ANO10: variants seen among roughly 807,000 people sequenced by gnomAD.
ANO10 encodes the protein anoctamin 10.
Under a neutral mutation model 74.7 loss-of-function variants are expected in ANO10, and 77 were observed. The ratio of observed to expected loss-of-function variants is 1.03; its 90% CI spans 0.86 to 1.25. The LOEUF (loss-of-function observed/expected upper bound fraction) is 1.25, where lower values mean the gene tolerates loss of function less well. Ranked by LOEUF, ANO10 falls within the 50% of genes most tolerant of loss-of-function variation. The pLI, the probability that ANO10 is intolerant of heterozygous loss-of-function variation, is 0.00. For missense variants in ANO10, 721 were observed against 778.1 expected, an observed-to-expected ratio of 0.93 and a Z score of 0.87; for synonymous variants, 279 against 284.9, an observed-to-expected ratio of 0.98 and a Z score of 0.21.
intron 11 of ANO10, among the ~76,000 whole-genome samples, chr3:43,443,933 C>T (rs1469876724): frequency 2.0e-5 from 3 of 152,042 alleles, no homozygotes; most frequent in Non-Finnish European, 2.9e-5. Context: ...CCACCTGCCT[C>T]GGCCTCCCAA....
intron 11 of ANO10, among the ~76,000 whole-genome samples, chr3:43,473,338 T>C (rs1291146869): frequency 6.6e-6 from 1 of 152,112 alleles, no homozygotes; most frequent in African/African-American, 2.4e-5. Context: ...ACTCTCCTCC[T>C]GGATGTCATA....
At chr3:43,378,535 C>T (rs1299235453) in intron 12 of ANO10, among the ~76,000 whole-genome samples, 1 of 152,184 alleles carries the variant, frequency 6.6e-6, no homozygotes, top group Non-Finnish European at 1.5e-5. Flanking sequence ...ATGCAAATAT[C>T]TATATCTTCT....
intron 1 of ANO10, chr3:43,690,918 G>A (rs905429113): frequency 1.7e-5 from 25 of 1,480,346 alleles, no homozygotes; most frequent in Middle Eastern, 2.2e-4. Flanking sequence ...CTTAAGTGCC[G>A]CGCCAGCCCG....
At chr3:43,461,004 A>C (rs909117953) in intron 11 of ANO10, among the ~76,000 whole-genome samples, 5 of 152,080 alleles carry the variant, frequency 3.3e-5, no homozygotes, top group Admixed American at 3.3e-4. Context: ...GAAAAAAAAA[A>C]CAGGAAAAAA....
intron 10 of ANO10, chr3:43,551,621 T>A (rs1405067487): frequency 4.4e-6 from 2 of 455,182 alleles, no homozygotes; most frequent in African/African-American, 4.0e-5. Context: ...TGTTTGCATA[T>A]TCCAAAATCA....
chr3:43,416,074 T>G (rs2148902590), intron 12 of ANO10, among the ~76,000 whole-genome samples: 1 of 152,270 alleles, frequency 6.6e-6, no homozygotes, highest in Non-Finnish European at 1.5e-5. Context: ...CAAAACAATA[T>G]TTCTCACATA....
At chr3:43,419,831 T>C (rs1413445721) in intron 12 of ANO10, among the ~76,000 whole-genome samples, 1 of 152,210 alleles carries the variant, frequency 6.6e-6, no homozygotes, top group East Asian at 1.9e-4. Context: ...TGAATTTTAA[T>C]ATCTGTATTT....
At chr3:43,592,136 A>G (rs1172876410) in intron 4 of ANO10, among the ~76,000 whole-genome samples, 4 of 152,214 alleles carry the variant, frequency 2.6e-5, no homozygotes, top group African/African-American at 4.8e-5. Flanking sequence ...CAGCTCAAGG[A>G]GGCCTGCCAG....
chr3:43,536,410 C>G (rs2078712277), intron 11 of ANO10, among the ~76,000 whole-genome samples: 1 of 152,152 alleles, frequency 6.6e-6, no homozygotes, highest in Non-Finnish European at 1.5e-5. Flanking sequence ...ATATTACTTT[C>G]TACATAGTCA....
intron 1 of ANO10, among the ~76,000 whole-genome samples, chr3:43,681,223 G>C (rs545000689): frequency 7.6e-4 from 116 of 152,068 alleles, no homozygotes; most frequent in Middle Eastern, 3.4e-3. Context: ...AAAATAAAGG[G>C]ATGGAGGAAG....
intron 1 of ANO10, among the ~76,000 whole-genome samples, chr3:43,633,820 A>G (rs2083574908): frequency 6.6e-6 from 1 of 151,468 alleles, no homozygotes; most frequent in African/African-American, 2.4e-5. Context: ...AGTTCTCCTT[A>G]CTCCTCAAGT....
At chr3:43,432,944 C>CTTTTGTTTTTTTTTT (rs2093008610) in intron 11 of ANO10, among the ~76,000 whole-genome samples, 1 of 55,276 alleles carries the variant, frequency 1.8e-5, no homozygotes, top group Admixed American at 3.1e-4. Context: ...TTGCTTAATT[C>CTTTTGTTTTTTTTTT]TTTTTTTTTT....
intron 12 of ANO10, among the ~76,000 whole-genome samples, chr3:43,429,018 A>C (rs1415388538): frequency 6.6e-6 from 1 of 152,124 alleles, no homozygotes; most frequent in Non-Finnish European, 1.5e-5. Flanking sequence ...ATGAGCATAA[A>C]TAAATTTGGA....
chr3:43,667,511 T>C (rs1417497152), intron 1 of ANO10, among the ~76,000 whole-genome samples: 1 of 152,078 alleles, frequency 6.6e-6, no homozygotes, highest in African/African-American at 2.4e-5. Context: ...TTAGTGGTGA[T>C]TTCTGAGATT....
At chr3:43,565,840 G>A (rs917335949) in intron 7 of ANO10, 113 bp from the exon 8 acceptor site, 2 of 1,138,794 alleles carry the variant, frequency 1.8e-6, no homozygotes. Flanking sequence ...AGCCAAGAGG[G>A]CCGAATAGGA....
chr3:43,581,290 T>C (rs1037557710), intron 4 of ANO10, among the ~76,000 whole-genome samples: 2 of 152,222 alleles, frequency 1.3e-5, no homozygotes, highest in African/African-American at 4.8e-5. Flanking sequence ...CACTCACAAA[T>C]AGCAAATAAC....
chr3:43,401,387 A>G (rs192429455), intron 12 of ANO10, among the ~76,000 whole-genome samples: 1,525 of 151,572 alleles, frequency 0.01, 13 homozygotes, highest in Non-Finnish European at 0.013. Context: ...ATGTAAAGAT[A>G]CATTAAATTT....
chr3:43,521,015 C>T (rs541428625), intron 11 of ANO10, among the ~76,000 whole-genome samples: 2 of 152,258 alleles, frequency 1.3e-5, no homozygotes, highest in African/African-American at 4.8e-5. Flanking sequence ...CTCTTGTAAC[C>T]TGAACTCATT....
At chr3:43,543,157 C>T (rs1227194207) in intron 11 of ANO10, among the ~76,000 whole-genome samples, 1 of 152,146 alleles carries the variant, frequency 6.6e-6, no homozygotes, top group Non-Finnish European at 1.5e-5. Flanking sequence ...CTCCTTCCCT[C>T]CCTCTCTCTT....
Sources: gnomAD v4.1 joint callset for allele counts (sites outside exome capture counted in the v4.1 genomes callset) on GRCh38, gnomAD v4.1.1 for gene constraint, MANE v1.5 for transcripts, NCBI Gene and HGNC (gene_info 2026-07-23, HGNC 2026-07-21) for gene names.